NRXN3: variants seen among roughly 807,000 people sequenced by gnomAD.
NRXN3 encodes neurexin III.
A neutral mutation model predicts 137.6 loss-of-function variants in NRXN3; 32 were observed. That is an observed-to-expected ratio of 0.23 (90% CI 0.18 to 0.31). The LOEUF (loss-of-function observed/expected upper bound fraction) is 0.31. NRXN3 is among the 10% of genes least tolerant of loss of function. The pLI is 1.00. For synonymous variants in NRXN3, 798 were observed against 784.5 expected (o/e 1.02, Z -0.29); for missense variants, 1,574 against 2,062.5 (o/e 0.76, Z 4.59).
intron 15 of NRXN3, among the ~76,000 whole-genome samples, chr14:78,993,739 G>A: frequency 6.6e-6 from 1 of 150,412 alleles, no homozygotes; most frequent in East Asian, 2.0e-4. Flanking sequence ...ATAGCGAGGA[G>A]TCATAAGGTG....
At chr14:79,098,202 C>G (rs2050683295) in intron 15 of NRXN3, among the ~76,000 whole-genome samples, 1 of 152,164 alleles carries the variant, frequency 6.6e-6, no homozygotes, top group South Asian at 2.1e-4. Context: ...TATACCCCGT[C>G]TTAGCCAATC....
intron 4 of NRXN3, among the ~76,000 whole-genome samples, chr14:78,322,315 C>T (rs1279495578): frequency 1.3e-5 from 2 of 151,986 alleles, no homozygotes; most frequent in Non-Finnish European, 2.9e-5. Flanking sequence ...AAGGAGGTTG[C>T]ACTCCCTGGC....
chr14:79,496,613 T>A (rs1291170450), intron 16 of NRXN3, among the ~76,000 whole-genome samples: 1 of 152,230 alleles, frequency 6.6e-6, no homozygotes, highest in Non-Finnish European at 1.5e-5. Flanking sequence ...GCCTTTGCTA[T>A]AATTATAGTG....
At chr14:78,834,913 T>C (rs2098992109) in intron 10 of NRXN3, among the ~76,000 whole-genome samples, 1 of 152,088 alleles carries the variant, frequency 6.6e-6, no homozygotes, top group Admixed American at 6.6e-5. Context: ...GAGAATTTTT[T>C]TTTGTGTTGC....
At chr14:79,843,736 C>A (rs2141515399) in intron 20 of NRXN3, among the ~76,000 whole-genome samples, 1 of 152,272 alleles carries the variant, frequency 6.6e-6, no homozygotes, top group Non-Finnish European at 1.5e-5. Flanking sequence ...GAAGCAACTC[C>A]TTAACCATTA....
At chr14:79,737,265 G>A (rs555898487) in intron 19 of NRXN3, among the ~76,000 whole-genome samples, 2 of 152,134 alleles carry the variant, frequency 1.3e-5, no homozygotes, top group African/African-American at 4.8e-5. Flanking sequence ...TTGGCTGATG[G>A]CTTCCTTAAC....
At chr14:79,791,354 A>G (rs893870207) in intron 19 of NRXN3, 9 of 151,734 alleles carry the variant, frequency 5.9e-5, no homozygotes, top group Non-Finnish European at 1.3e-4. Context: ...GTGACTGAAG[A>G]CAGGATACAT....
chr14:78,968,076 T>C (rs1030968958), intron 13 of NRXN3, 97 bp from the exon 14 acceptor site: 2 of 159,966 alleles, frequency 1.3e-5, no homozygotes, highest in African/African-American at 6.1e-5. Flanking sequence ...AGCTATCTTA[T>C]TCCTTATCTG....
intron 18 of NRXN3, among the ~76,000 whole-genome samples, chr14:79,694,382 T>A (rs1317311710): frequency 1.3e-5 from 2 of 151,968 alleles, no homozygotes; most frequent in African/African-American, 4.8e-5. Context: ...GAGGTAATAA[T>A]TAATGACTTC....
chr14:78,566,068 T>G (rs1172501724), intron 4 of NRXN3, among the ~76,000 whole-genome samples: 3 of 152,186 alleles, frequency 2.0e-5, no homozygotes, highest in Admixed American at 1.3e-4. Context: ...ACCGTGTTGC[T>G]TTTTTGGTTG....
intron 4 of NRXN3, among the ~76,000 whole-genome samples, chr14:78,300,334 T>G (rs530811679): frequency 1.3e-5 from 2 of 152,384 alleles, no homozygotes; most frequent in Admixed American, 6.5e-5. Context: ...CATGTGGCTG[T>G]GCAGTACTTT....
intron 10 of NRXN3, among the ~76,000 whole-genome samples, chr14:78,895,503 G>C (rs1014848059): frequency 2.6e-5 from 4 of 151,892 alleles, no homozygotes; most frequent in Non-Finnish European, 4.4e-5. Context: ...CTTCAATCCA[G>C]ACCACTACAA....
At chr14:79,818,934 G>C (rs1013203378) in intron 20 of NRXN3, among the ~76,000 whole-genome samples, 1 of 152,152 alleles carries the variant, frequency 6.6e-6, no homozygotes. Context: ...CCCGAATCCA[G>C]ATCATAAACT....
At chr14:79,649,217 C>A (rs221459) in intron 16 of NRXN3, among the ~76,000 whole-genome samples, 40,958 of 151,868 alleles carry the variant, frequency 0.27, 6,321 homozygotes, top group African/African-American at 0.42. Context: ...TAACCGCTAA[C>A]TTCTGAAACA....
At chr14:79,122,309 C>A (rs1169243760) in intron 15 of NRXN3, among the ~76,000 whole-genome samples, 1 of 152,178 alleles carries the variant, frequency 6.6e-6, no homozygotes, top group Non-Finnish European at 1.5e-5. Context: ...CACATCACTG[C>A]AGGCTGAGGG....
At chr14:79,687,963 G>A (rs1453301957) in intron 17 of NRXN3, among the ~76,000 whole-genome samples, 1 of 151,966 alleles carries the variant, frequency 6.6e-6, no homozygotes, top group Non-Finnish European at 1.5e-5. Context: ...GGATTTAAGG[G>A]AATATTAAGG....
intron 4 of NRXN3, among the ~76,000 whole-genome samples, chr14:78,376,169 C>T (rs2087808881): frequency 6.6e-6 from 1 of 152,070 alleles, no homozygotes; most frequent in Non-Finnish European, 1.5e-5. Flanking sequence ...GCCAGGGAGG[C>T]ATCATTGAAA....
At chr14:79,087,441 T>A (rs2048341106) in intron 15 of NRXN3, among the ~76,000 whole-genome samples, 1 of 152,044 alleles carries the variant, frequency 6.6e-6, no homozygotes. Context: ...TAAAATAATA[T>A]TCTAAAGGGG....
chr14:79,273,316 A>C (rs1235438270), intron 15 of NRXN3, among the ~76,000 whole-genome samples: 2 of 151,894 alleles, frequency 1.3e-5, no homozygotes, highest in East Asian at 3.9e-4. Context: ...CTGGAGAAAA[A>C]AATAATAATG....
Sources: allele counts gnomAD v4.1 joint callset (sites outside exome capture counted in the v4.1 genomes callset), GRCh38; gene constraint gnomAD v4.1.1; transcripts MANE v1.5; gene names NCBI Gene and HGNC (gene_info 2026-07-23, HGNC 2026-07-21).